Variants in PLPPR1 observed in about 807,000 individuals in gnomAD.
PLPPR1 encodes phospholipid phosphatase-related protein type 1.
A neutral mutation model predicts 33.1 loss-of-function variants in PLPPR1; 10 were observed. The ratio of observed to expected loss-of-function variants is 0.30; its 90% confidence interval spans 0.19 to 0.51. PLPPR1 has a LOEUF of 0.51. Ranked by LOEUF, PLPPR1 falls within the 20% of genes least tolerant of loss-of-function variation. The pLI, the probability that PLPPR1 is intolerant of heterozygous loss-of-function variation, is 0.97. For synonymous variants in PLPPR1, 151 were observed against 151.0 expected (o/e 1.00, Z 0.00); for missense variants, 304 against 408.1 (o/e 0.74, Z 2.20).
At chr9:101,124,038 A>G (rs563763395) in intron 1 of PLPPR1, among the ~76,000 whole-genome samples, 5 of 152,300 alleles carry the variant, frequency 3.3e-5, no homozygotes, top group African/African-American at 1.2e-4. Context: ...TTTGTAAAAC[A>G]GAAGGTATTA....
intron 2 of PLPPR1, among the ~76,000 whole-genome samples, chr9:101,192,794 C>T (rs949780403): frequency 6.6e-6 from 1 of 152,048 alleles, no homozygotes; most frequent in African/African-American, 2.4e-5. Context: ...AAGGTGGTTA[C>T]TGAATAAGGC....
At chr9:101,243,708 G>C (rs1434734894) in intron 2 of PLPPR1, among the ~76,000 whole-genome samples, 1 of 151,862 alleles carries the variant, frequency 6.6e-6, no homozygotes, top group East Asian at 1.9e-4. Context: ...AAGAAATAAG[G>C]GTCTAGAGCT....
chr9:101,167,785 T>C (rs1825882444), intron 1 of PLPPR1, among the ~76,000 whole-genome samples: 1 of 152,122 alleles, frequency 6.6e-6, no homozygotes, highest in South Asian at 2.1e-4. Context: ...AAATACAAAA[T>C]CTAGATTGAA....
At chr9:101,215,287 A>AC (rs1554738354) in intron 2 of PLPPR1, among the ~76,000 whole-genome samples, 6 of 150,756 alleles carry the variant, frequency 4.0e-5, no homozygotes, top group South Asian at 4.2e-4. Context: ...GTCTTTTTTT[A>AC]TTTTTTTTTG....
intron 2 of PLPPR1, among the ~76,000 whole-genome samples, chr9:101,249,208 A>AT (rs1827671801): frequency 6.6e-6 from 1 of 152,072 alleles, no homozygotes; most frequent in South Asian, 2.1e-4. Flanking sequence ...GCAGTATCTC[A>AT]TGCTAGATTG....
chr9:101,206,867 C>A (rs1335175297), intron 2 of PLPPR1, among the ~76,000 whole-genome samples: 1 of 152,116 alleles, frequency 6.6e-6, no homozygotes, highest in Non-Finnish European at 1.5e-5. Flanking sequence ...ACCTTGACAT[C>A]CTTTCTAATG....
intron 1 of PLPPR1, among the ~76,000 whole-genome samples, chr9:101,083,389 G>GAAA (rs11367880): frequency 1.6e-5 from 2 of 124,654 alleles, no homozygotes; most frequent in African/African-American, 3.0e-5. Context: ...TCCATCTCAA[G>GAAA]AAAAAAAAAA....
chr9:101,048,007 G>T (rs923723063), intron 1 of PLPPR1, among the ~76,000 whole-genome samples: 5 of 152,160 alleles, frequency 3.3e-5, no homozygotes, highest in Admixed American at 2.0e-4. Flanking sequence ...TGCCATACCG[G>T]TAGGTGGACC....
chr9:101,211,781 G>A (rs1228070642), intron 2 of PLPPR1, among the ~76,000 whole-genome samples: 1 of 152,094 alleles, frequency 6.6e-6, no homozygotes, highest in Non-Finnish European at 1.5e-5. Context: ...ACTAAAAATG[G>A]ATCTTTCATT....
At chr9:101,311,017 A>G (rs1828944463) in intron 5 of PLPPR1, among the ~76,000 whole-genome samples, 1 of 152,224 alleles carries the variant, frequency 6.6e-6, no homozygotes, top group South Asian at 2.1e-4. Flanking sequence ...AGTATCCAAC[A>G]TATTTTCAAA....
chr9:101,317,289 G>A, intron 6 of PLPPR1, 76 bp from the exon 7 acceptor site: 1 of 1,487,264 alleles, frequency 6.7e-7, no homozygotes, highest in South Asian at 1.3e-5. Context: ...CAAGGGGAAA[G>A]GCCTGCCACC....
At chr9:101,166,397 T>C (rs1053547557) in intron 1 of PLPPR1, among the ~76,000 whole-genome samples, 1 of 152,224 alleles carries the variant, frequency 6.6e-6, no homozygotes, top group African/African-American at 2.4e-5. Flanking sequence ...TTTAATATCA[T>C]CTTTCCAAAA....
chr9:101,081,279 G>A (rs1830615478), intron 1 of PLPPR1, among the ~76,000 whole-genome samples: 1 of 151,922 alleles, frequency 6.6e-6, no homozygotes, highest in South Asian at 2.1e-4. Context: ...GCAGTGGTGC[G>A]ATCTCGCCTC....
At chr9:101,066,388 C>T (rs7866149) in intron 1 of PLPPR1, among the ~76,000 whole-genome samples, 1,604 of 152,060 alleles carry the variant, frequency 0.011, 12 homozygotes, top group Middle Eastern at 0.02. Context: ...CTACCCCCTT[C>T]CATACTTTGG....
chr9:101,230,625 C>A (rs931548213), intron 2 of PLPPR1, among the ~76,000 whole-genome samples: 1 of 151,952 alleles, frequency 6.6e-6, no homozygotes, highest in Admixed American at 6.6e-5. Flanking sequence ...TTTTGTGGTT[C>A]AGTATTAGGA....
At chr9:101,212,012 A>C (rs1368820491) in intron 2 of PLPPR1, among the ~76,000 whole-genome samples, 1 of 152,074 alleles carries the variant, frequency 6.6e-6, no homozygotes. Context: ...CTAACACTAC[A>C]TCCTTTGCTT....
At chr9:101,292,309 C>A (rs376507425) in intron 4 of PLPPR1, among the ~76,000 whole-genome samples, 1 of 151,984 alleles carries the variant, frequency 6.6e-6, no homozygotes, top group African/African-American at 2.4e-5. Flanking sequence ...CCAAATCTAC[C>A]TCTGATTGGT....
chr9:101,094,600 C>T (rs549707910), intron 1 of PLPPR1, among the ~76,000 whole-genome samples: 3 of 152,216 alleles, frequency 2.0e-5, no homozygotes, highest in Admixed American at 6.5e-5. Context: ...TGCAGCTATA[C>T]ATTATATAGT....
chr9:101,263,713 C>G (rs1229133886), intron 2 of PLPPR1, among the ~76,000 whole-genome samples: 1 of 152,198 alleles, frequency 6.6e-6, no homozygotes, highest in African/African-American at 2.4e-5. Flanking sequence ...AGGTTTACTC[C>G]TGTGAGCTCT....
Sources: gnomAD v4.1 joint callset for allele counts (sites outside exome capture counted in the v4.1 genomes callset) on GRCh38, gnomAD v4.1.1 for gene constraint, MANE v1.5 for transcripts, NCBI Gene and HGNC (gene_info 2026-07-23, HGNC 2026-07-21) for gene names.